The following VPS9D1 variants were observed in gnomAD, a reference collection of about 807,000 sequenced individuals.
VPS9D1 encodes VPS9 domain containing 1.
A neutral mutation model predicts 75.8 loss-of-function variants in VPS9D1; 78 were observed. The observed-to-expected ratio is 1.03, with a 90% CI of 0.86 to 1.24. VPS9D1 has a LOEUF of 1.24. VPS9D1 is among the 50% of genes most tolerant of loss of function. The pLI is 0.00. For missense variants in VPS9D1, 1,057 were observed against 847.7 expected (o/e 1.25, Z -3.07); for synonymous variants, 481 against 385.6 (o/e 1.25, Z -2.90).
At position 89,714,689 on chromosome 16, in the gene VPS9D1, G is replaced by T. The variant is rs554917391; in HGVS notation, c.431+1773C>A. On this transcript the variant is annotated intron_variant, in intron 4 of 14. Transcript: ENST00000389386. ...GTCTTTGTATCTTTCATCAGTTCTA[G>T]ACAACTGTCTGCCATTCTAACTTCT... Among the ~76,000 whole-genome samples, 3 of 152,186 alleles carry T rather than the reference G, an allele frequency of 2.0e-5. No homozygotes were observed. The East Asian group carries it at 5.8e-4, about 29-fold the overall frequency.
At chr16:89,716,163 G>A (rs1800395866) in intron 4 of VPS9D1, among the ~76,000 whole-genome samples, 1 of 151,938 alleles carries the variant, frequency 6.6e-6, no homozygotes, top group Non-Finnish European at 1.5e-5. Flanking sequence ...TCAGGAGATC[G>A]AAACCATCCT....
chr16:89,717,729 GA>G (rs1297920983), intron 2 of VPS9D1: 3 of 456,482 alleles, frequency 6.6e-6, no homozygotes, highest in African/African-American at 6.0e-5. Flanking sequence ...CTCCCCAGGG[GA>G]TCCTCTGCCA....
chr16:89,712,205 G>A, intron 6 of VPS9D1, 106 bp from the exon 7 acceptor site: 3 of 1,485,722 alleles, frequency 2.0e-6, no homozygotes, highest in East Asian at 2.5e-5. Context: ...CCTCCTCTCG[G>A]TGAGGGGCTG....
At chr16:89,712,560 G>GC in intron 5 of VPS9D1, 38 bp from the exon 6 acceptor site, 1 of 1,609,374 alleles carries the variant, frequency 6.2e-7, no homozygotes, top group East Asian at 2.2e-5. Context: ...ACTCCCCTCT[G>GC]CCCCGCGCCC....
At position 89,719,064 on chromosome 16, in the gene VPS9D1, G is replaced by A. The variant is rs1597939812; in HGVS notation, c.138C>T (p.Ile46=). Residue 46 remains isoleucine (I), a synonymous_variant, in exon 2 of 15, where the codon ATC becomes ATT. Transcript: ENST00000389386. The stretch of plus-strand genomic sequence containing the variant: ...CCACTTCTTCTAGTAACACCTGGGA[G>A]ATATAGTGGATGCTCCTCAGGTATT... ...YTEYLRSIHY[I]SQVLLEEVET... 4.3e-6 allele frequency: 7 copies of A among 1,613,562 alleles called. No homozygotes were observed. The highest frequency in any genetic ancestry group is 4.5e-5 in the East Asian group (2 of 44,904).
At position 89,709,425 on chromosome 16, in the gene VPS9D1, G is replaced by A. The variant is rs750302962; in HGVS notation, c.1399C>T (p.Arg467Ter). ...LLLALYRSVH[R>*]AREAALSRSM... ...CTGCTCAGGGCAGCCTCCCGGGCTC[G>A]GTGCACGCTCCTGGGGCAGAGAGAG... The change falls in exon 12 of 15, where the codon CGA (arginine) becomes TGA (stop). Residue 467 changes from arginine to a stop codon, truncating the protein, a stop_gained. Coordinates refer to ENST00000389386, the MANE Select transcript of VPS9D1 (RefSeq NM_004913.3). LOFTEE classifies it high-confidence loss of function. 23 of 1,513,622 alleles carry A rather than the reference G, an allele frequency of 1.5e-5. No homozygotes were observed. Among genetic ancestry groups the A allele is most frequent in the Non-Finnish European group, 1.8e-5 (20 of 1,139,312 alleles). The allele number at this position is 1,513,622 out of a possible 1,614,324, so 93.8% of individuals were successfully genotyped here.
At chr16:89,712,265 A>G in intron 6 of VPS9D1, 166 bp from the exon 7 acceptor site, 1 of 1,324,672 alleles carries the variant, frequency 7.5e-7, no homozygotes, top group Non-Finnish European at 1.0e-6. Context: ...TCAAGCCAGG[A>G]GGGCCGGGCC....
chr16:89,713,642 A>C (rs1047081606), intron 4 of VPS9D1, among the ~76,000 whole-genome samples: 2 of 152,176 alleles, frequency 1.3e-5, no homozygotes, highest in African/African-American at 2.4e-5. Context: ...ATCTTGTTAA[A>C]GCAAGCTTGT....
At chr16:89,709,976 G>C (rs945968924) in intron 10 of VPS9D1, 70 bp from the exon 11 acceptor site, 3 of 1,522,750 alleles carry the variant, frequency 2.0e-6, no homozygotes, top group Non-Finnish European at 2.6e-6. Context: ...TCTAAGCCAC[G>C]GGGCCTTTCT....
At chr16:89,712,203 C>A (rs1003714666) in intron 6 of VPS9D1, 104 bp from the exon 7 acceptor site, 3 of 1,490,178 alleles carry the variant, frequency 2.0e-6, no homozygotes, top group Non-Finnish European at 2.7e-6. Flanking sequence ...GACCTCCTCT[C>A]GGTGAGGGGC....
chr16:89,718,309 C>T (rs1000797349), intron 2 of VPS9D1: 3 of 348,704 alleles, frequency 8.6e-6, no homozygotes, highest in South Asian at 2.2e-5. Flanking sequence ...TCACCTGAGG[C>T]TCCACTCCCA....
intron 6 of VPS9D1, 130 bp from the exon 7 acceptor site, chr16:89,712,229 C>A: frequency 7.1e-7 from 1 of 1,415,998 alleles, no homozygotes; most frequent in East Asian, 2.5e-5. Context: ...CCAGGTAAGG[C>A]TTCTGGGGCA....
chr16:89,720,605 C>A (rs901456783), intron 1 of VPS9D1, 158 bp downstream of exon 1: 9 of 1,229,528 alleles, frequency 7.3e-6, no homozygotes, highest in Non-Finnish European at 8.1e-6. Flanking sequence ...CCGGCTGCGC[C>A]CCGCCCCCGT....
At chr16:89,719,268 C>T (rs759086369) in intron 1 of VPS9D1, 166 bp from the exon 2 acceptor site, 19 of 692,214 alleles carry the variant, frequency 2.7e-5, no homozygotes, top group African/African-American at 5.3e-5. Context: ...AGCCGGAACA[C>T]GGTTTTCTGC....
At chr16:89,709,034 C>T in intron 12 of VPS9D1, 78 bp from the exon 13 acceptor site, 1 of 1,396,256 alleles carries the variant, frequency 7.2e-7, no homozygotes. Context: ...CGCCCACCCA[C>T]CCACCTCCTG....
At chr16:89,720,156 G>A (rs1285230083) in intron 1 of VPS9D1, among the ~76,000 whole-genome samples, 1 of 152,186 alleles carries the variant, frequency 6.6e-6, no homozygotes, top group Non-Finnish European at 1.5e-5. Context: ...AACCAACTTG[G>A]GGAAAGCAGC....
rs190157414 is a variant in VPS9D1 at position 89,717,412 on chromosome 16, C to T, written c.176-590G>A. The T allele has an allele frequency of 1.2e-3, 478 of 384,710 alleles. 2 individuals are homozygous for T. Among genetic ancestry groups the T allele is most frequent in the African/African-American group, 7.1e-3 (339 of 47,994 alleles). 23.8% of individuals were successfully genotyped at this position (384,710 alleles called of 1,614,324 possible). ...GGGGATCGCCTCACCCATCTCCCAC[C>T]GGCTGTGTCCCCAAAGTCCTGCCTT... On this transcript the variant is annotated intron_variant, in intron 2 of 14. Coordinates refer to ENST00000389386, the MANE Select transcript of VPS9D1 (RefSeq NM_004913.3).
intron 8 of VPS9D1, 163 bp downstream of exon 8, chr16:89,711,719 G>A (rs1192821508): frequency 2.2e-6 from 2 of 896,376 alleles, no homozygotes; most frequent in Non-Finnish European, 3.3e-6. Context: ...CGCAGCCCTG[G>A]CCCCGCCCCC....
chr16:89,718,738 C>T lies in VPS9D1; in HGVS notation c.175+289G>A, dbSNP rs186294289. ...TCTTTTCTTTTTTTTTTTTTTGAGA[C>T]GGAGTTTCGCTCTTGTTCCAGGCTG... is the stretch of plus-strand genomic sequence containing the variant. On this transcript the variant is annotated intron_variant, in intron 2 of 14. Coordinates refer to ENST00000389386, the MANE Select transcript of VPS9D1 (RefSeq NM_004913.3). Among the ~76,000 whole-genome samples the T allele has an allele frequency of 3.0e-3, 446 of 148,758 alleles. 1 individual carries two copies. Among genetic ancestry groups the T allele is most frequent in the African/African-American group, 0.011 (428 of 40,556 alleles).
Sources: gnomAD v4.1 joint callset for allele counts (sites outside exome capture counted in the v4.1 genomes callset) on GRCh38, gnomAD v4.1.1 for gene constraint, MANE v1.5 for transcripts, NCBI Gene and HGNC (gene_info 2026-07-23, HGNC 2026-07-21) for gene names.